VAV2: variants seen among roughly 807,000 people sequenced by gnomAD.
VAV2 encodes vav guanine nucleotide exchange factor 2.
A neutral mutation model predicts 132.5 loss-of-function variants in VAV2; 67 were observed. That is an observed-to-expected ratio of 0.51 (90% CI 0.42 to 0.62). The LOEUF (loss-of-function observed/expected upper bound fraction) is 0.62, where lower values mean the gene tolerates loss of function less well. Ranked by LOEUF, VAV2 falls within the 20% of genes least tolerant of loss-of-function variation. The pLI is 0.00. For synonymous variants in VAV2, 492 were observed against 443.5 expected (o/e 1.11, Z -1.37); for missense variants, 938 against 1,153.6 (o/e 0.81, Z 2.71).
intron 2 of VAV2, among the ~76,000 whole-genome samples, chr9:133,866,134 T>C (rs1425749501): frequency 3.3e-5 from 5 of 151,702 alleles, no homozygotes. Flanking sequence ...AGCCCTAGGG[T>C]GGGCCTGGTT....
intron 1 of VAV2, among the ~76,000 whole-genome samples, chr9:133,951,313 C>T (rs1336035955): frequency 6.6e-6 from 1 of 152,214 alleles, no homozygotes; most frequent in Non-Finnish European, 1.5e-5. Context: ...GGCTGGAGAA[C>T]AAGAGCTGGC....
intron 2 of VAV2, among the ~76,000 whole-genome samples, chr9:133,938,246 C>G (rs567624117): frequency 6.6e-6 from 1 of 152,340 alleles, no homozygotes; most frequent in South Asian, 2.1e-4. Flanking sequence ...CTAGAGGCAG[C>G]CCAACAGCAG....
In VAV2 at chr9:133,768,577, G is replaced by C. The variant is rs61751477; in HGVS notation, c.2454C>G (p.Ile818Met). ...PFWSVFTPRV[I>M]GTAVARYNFA... ...AGTTATACCTGGCCACAGCTGTGCC[G>C]ATGACGCGGGGCGTGAACACTGTTG... is the stretch of plus-strand genomic sequence containing the variant. Residue 818 changes from isoleucine to methionine, a missense_variant, in exon 29 of 30, where the codon ATC becomes ATG. Coordinates refer to ENST00000371850, the MANE Select transcript of VAV2 (RefSeq NM_001134398.2). The surrounding 1 kb of genome is among the most constrained non-coding windows in gnomAD (Gnocchi z 5.3). 19,931 of 1,613,868 alleles carry C rather than the reference G, an allele frequency of 0.012. 178 individuals are homozygous for C. The highest frequency in any genetic ancestry group is 0.029 in the Middle Eastern group (178 of 6,062).
At chr9:133,891,728 TG>T (rs1838972009) in intron 2 of VAV2, among the ~76,000 whole-genome samples, 1 of 24,540 alleles carries the variant, frequency 4.1e-5, no homozygotes, top group African/African-American at 1.7e-4. Context: ...AGGGGAGGGA[TG>T]GAGAGGAGGC....
intron 22 of VAV2, among the ~76,000 whole-genome samples, chr9:133,778,442 G>C (rs768533315): frequency 7.2e-5 from 11 of 152,202 alleles, no homozygotes; most frequent in Non-Finnish European, 1.5e-4. Context: ...ACAGAGGCAG[G>C]AAGGACAGAG....
intron 2 of VAV2, among the ~76,000 whole-genome samples, chr9:133,867,139 T>C (rs1837837742): frequency 6.6e-6 from 1 of 152,132 alleles, no homozygotes; most frequent in Non-Finnish European, 1.5e-5. Context: ...ATGGGTCTGC[T>C]GAGGGTCCCG....
intron 2 of VAV2, among the ~76,000 whole-genome samples, chr9:133,893,055 G>A (rs1013767880): frequency 6.6e-6 from 1 of 152,210 alleles, no homozygotes; most frequent in African/African-American, 2.4e-5. Flanking sequence ...CACGCAGTAA[G>A]GCGGACTCAG....
chr9:133,868,583 G>A (rs956961899), intron 2 of VAV2, among the ~76,000 whole-genome samples: 1 of 152,262 alleles, frequency 6.6e-6, no homozygotes, highest in African/African-American at 2.4e-5. Context: ...ACTCATGGCT[G>A]CACTCCATCC....
chr9:133,894,332 A>G (rs1390626039), intron 2 of VAV2, among the ~76,000 whole-genome samples: 1 of 152,248 alleles, frequency 6.6e-6, no homozygotes, highest in African/African-American at 2.4e-5. Context: ...TGACCCAAGA[A>G]GGAGACCTAA....
chr9:133,962,360 C>A (rs191641002), intron 1 of VAV2, among the ~76,000 whole-genome samples: 218 of 152,312 alleles, frequency 1.4e-3, no homozygotes, highest in African/African-American at 5.0e-3. Context: ...ACAAGCAGCT[C>A]TCAAAGTGGC....
At chr9:133,784,005 C>T (rs532352694) in intron 18 of VAV2, among the ~76,000 whole-genome samples, 5 of 152,054 alleles carry the variant, frequency 3.3e-5, no homozygotes, top group East Asian at 1.9e-4. Context: ...ATCAGCCTCC[C>T]GAGTAGCTGG....
intron 9 of VAV2, among the ~76,000 whole-genome samples, chr9:133,798,774 A>T (rs1430478277): frequency 1.3e-5 from 2 of 152,200 alleles, no homozygotes; most frequent in African/African-American, 4.8e-5. Flanking sequence ...GCCCATTTGT[A>T]AAGATGGGGG....
chr9:133,924,646 C>T (rs1840410775), intron 2 of VAV2, among the ~76,000 whole-genome samples: 1 of 152,206 alleles, frequency 6.6e-6, no homozygotes, highest in South Asian at 2.1e-4. Flanking sequence ...CCAGTCACCA[C>T]CAGCTCTTCC....
At chr9:133,950,652 A>C (rs1195317629) in intron 1 of VAV2, among the ~76,000 whole-genome samples, 3 of 152,106 alleles carry the variant, frequency 2.0e-5, no homozygotes, top group Admixed American at 6.6e-5. Flanking sequence ...CGAGTGCCGG[A>C]GGGTTCAAAT....
chr9:133,982,627 G>A (rs1202703069), intron 1 of VAV2, among the ~76,000 whole-genome samples: 4 of 152,134 alleles, frequency 2.6e-5, no homozygotes, highest in Non-Finnish European at 5.9e-5. Context: ...AGGGCTGGCC[G>A]CTGTGCTTTG....
Position 133,785,892 on chromosome 9 carries a change from G to A in VAV2, c.1423-7C>T, listed in dbSNP as rs372203406. 3.7e-6 allele frequency: 6 copies of A among 1,611,578 alleles called. No individual in the cohort carries two copies. The highest frequency in any genetic ancestry group is 1.3e-5 in the African/African-American group (1 of 74,898). The stretch of plus-strand genomic sequence containing the variant: ...GGTAGAAGCCGTAGGACCACTGCAG[G>A]GGGGAGAGGGGCCATGCTTGCAATA... On this transcript the variant is annotated splice_region_variant and splice_polypyrimidine_tract_variant and intron_variant, in intron 16 of 29. Transcript: ENST00000371850.
At chr9:133,809,730 T>C (rs1835290078) in intron 6 of VAV2, among the ~76,000 whole-genome samples, 1 of 152,152 alleles carries the variant, frequency 6.6e-6, no homozygotes, top group South Asian at 2.1e-4. Flanking sequence ...CCCCCACCTC[T>C]GGTGGAATGT....
At chr9:133,765,874 T>C (rs1026363069) in intron 29 of VAV2, among the ~76,000 whole-genome samples, 1 of 152,160 alleles carries the variant, frequency 6.6e-6, no homozygotes, top group Non-Finnish European at 1.5e-5. Context: ...ACATTCACAA[T>C]TGGTAAATCT....
At chr9:133,781,529 G>A (rs946727035) in intron 19 of VAV2, among the ~76,000 whole-genome samples, 22 of 152,334 alleles carry the variant, frequency 1.4e-4, no homozygotes, top group African/African-American at 3.8e-4. Flanking sequence ...TGTGCCTGAT[G>A]GGGGCTTCCC....
Sources: gnomAD v4.1 joint callset for allele counts (sites outside exome capture counted in the v4.1 genomes callset) on GRCh38, gnomAD v4.1.1 for gene constraint, Gnocchi (gnomAD v3.1) non-coding constraint, MANE v1.5 for transcripts, NCBI Gene and HGNC (gene_info 2026-07-23, HGNC 2026-07-21) for gene names.